LRP5: variants seen among roughly 807,000 people sequenced by gnomAD.
The protein encoded by LRP5 is LDL receptor related protein 5.
Under a neutral mutation model 154.1 loss-of-function variants are expected in LRP5, and 62 were observed. The ratio of observed to expected loss-of-function variants is 0.40; its 90% CI spans 0.33 to 0.50. The LOEUF (loss-of-function observed/expected upper bound fraction) is 0.50, where lower values mean the gene tolerates loss of function less well. Ranked by LOEUF, LRP5 falls within the 20% of genes least tolerant of loss-of-function variation. The probability of loss-of-function intolerance (pLI) is 0.55; values close to 1 mark genes in which losing one functional copy is unlikely to be tolerated. For missense variants in LRP5, 1,915 were observed against 2,336.7 expected (o/e 0.82, Z 3.72); for synonymous variants, 966 against 1,011.5 (o/e 0.96, Z 0.85).
chr11:68,431,621 G>A (rs2098671961), intron 17 of LRP5, among the ~76,000 whole-genome samples: 1 of 152,166 alleles, frequency 6.6e-6, no homozygotes, highest in Non-Finnish European at 1.5e-5. Flanking sequence ...GCCGCGGGGT[G>A]CTGCCTCACA....
chr11:68,436,584 G>A (rs187172979), intron 18 of LRP5, among the ~76,000 whole-genome samples: 9 of 152,226 alleles, frequency 5.9e-5, no homozygotes, highest in East Asian at 5.8e-4. Flanking sequence ...AGCCTTGGGC[G>A]GGGTCTGTTA....
chr11:68,376,171 C>T (rs1285549407), intron 5 of LRP5, among the ~76,000 whole-genome samples: 1 of 92,832 alleles, frequency 1.1e-5, no homozygotes, highest in Non-Finnish European at 2.1e-5. Context: ...GGCCCTGCTT[C>T]TTTTTTTTTT....
At chr11:68,418,039 A>C (rs2098663559) in intron 13 of LRP5, among the ~76,000 whole-genome samples, 1 of 152,244 alleles carries the variant, frequency 6.6e-6, no homozygotes, top group African/African-American at 2.4e-5. Flanking sequence ...CGGCGGCCTC[A>C]GGCCCACCTG....
chr11:68,373,548 C>T (rs909657852), intron 5 of LRP5, among the ~76,000 whole-genome samples: 7 of 152,174 alleles, frequency 4.6e-5, no homozygotes, highest in South Asian at 2.1e-4. Flanking sequence ...GAGCCTCTGC[C>T]GCCCAGCGTG....
At chr11:68,363,263 A>G (rs535155871) in intron 3 of LRP5, among the ~76,000 whole-genome samples, 26 of 152,344 alleles carry the variant, frequency 1.7e-4, no homozygotes, top group African/African-American at 4.1e-4. Flanking sequence ...GTGTGTCACC[A>G]TCACAGGCTG....
intron 9 of LRP5, among the ~76,000 whole-genome samples, chr11:68,409,095 T>TATATATATATATATATACAC (rs1311618305): frequency 1.1e-4 from 3 of 27,744 alleles, no homozygotes; most frequent in African/African-American, 1.9e-4. Flanking sequence ...TATATATATA[T>TATATATATATATATATACAC]ACACACACAT....
At chr11:68,371,045 G>A (rs1189663180) in intron 5 of LRP5, among the ~76,000 whole-genome samples, 1 of 152,088 alleles carries the variant, frequency 6.6e-6, no homozygotes, top group Non-Finnish European at 1.5e-5. Context: ...CCCGCTTCCC[G>A]TTAATTAACA....
At chr11:68,436,553 A>ACCT (rs538010414) in intron 18 of LRP5, among the ~76,000 whole-genome samples, 27 of 148,278 alleles carry the variant, frequency 1.8e-4, no homozygotes, top group African/African-American at 6.7e-4. Flanking sequence ...CTTGGCACCC[A>ACCT]CCCCCCCACC....
chr11:68,309,933 G>T (rs1404052352), upstream of LRP5, among the ~76,000 whole-genome samples: 12 of 152,180 alleles, frequency 7.9e-5, no homozygotes, highest in Non-Finnish European at 1.5e-4. Context: ...ATGTAGATCA[G>T]ATCCTTTCAC....
In LRP5 at chr11:68,414,049, G is replaced by A. The variant is rs373788431; in HGVS notation, c.2827+37G>A. The A allele has an allele frequency of 4.1e-5, 64 of 1,574,020 alleles. No individual in the cohort carries two copies. In the African/African-American group the frequency reaches 4.3e-4, roughly 11 times the overall value. On this transcript the variant is annotated intron_variant, in intron 12 of 22. Transcript: ENST00000294304. Reference sequence around the variant, plus strand: ...ATGGTCCCCCGCACCTCACTCCCTCGTTAGATCAGGCTGGTTCTGGGAGCT... The same window carrying A: ...ATGGTCCCCCGCACCTCACTCCCTCATTAGATCAGGCTGGTTCTGGGAGCT...
In LRP5 at chr11:68,386,014, C is replaced by G. The variant is rs1033784340; in HGVS notation, c.1016-302C>G. Among the ~76,000 whole-genome samples, 4 of 152,158 alleles carry G rather than the reference C, an allele frequency of 2.6e-5. No homozygotes were observed. Among genetic ancestry groups the G allele is most frequent in the Non-Finnish European group, 4.4e-5 (3 of 68,014 alleles). On this transcript the variant is annotated intron_variant, in intron 5 of 22. Transcript: ENST00000294304. This position sits in a 1 kb window ranked among gnomAD's most constrained non-coding sequence, Gnocchi z 7.9. ...GGGGGACTGTGAGGCAGCTCCCACCCAGCAGCTGAAGCCCAATGGCCTGGC... is the reference window on the plus strand; with the variant it reads ...GGGGGACTGTGAGGCAGCTCCCACCGAGCAGCTGAAGCCCAATGGCCTGGC...
the LRP5 span, among the ~76,000 whole-genome samples, chr11:68,301,962 C>A: frequency 6.6e-6 from 1 of 151,698 alleles, no homozygotes; most frequent in African/African-American, 2.4e-5. Flanking sequence ...TATTTTTAAG[C>A]AGGACATGAT....
chr11:68,334,094 C>T (rs966025089), intron 1 of LRP5, among the ~76,000 whole-genome samples: 5 of 152,096 alleles, frequency 3.3e-5, no homozygotes, highest in East Asian at 1.9e-4. Context: ...ATTAGCTGGG[C>T]GTGGTGGTGG....
chr11:68,304,376 A>G, the LRP5 span, among the ~76,000 whole-genome samples: 1 of 152,232 alleles, frequency 6.6e-6, no homozygotes, highest in Non-Finnish European at 1.5e-5. Context: ...GAAGCTTGAC[A>G]CCATCCACCT....
At position 68,447,563 on chromosome 11, in the gene LRP5, T is replaced by C. The variant is rs533805965; in HGVS notation, c.4586+1030T>C. On this transcript the variant is annotated intron_variant, in intron 22 of 22. Coordinates refer to ENST00000294304, the MANE Select transcript of LRP5 (RefSeq NM_002335.4). This position sits in a 1 kb window ranked among gnomAD's most constrained non-coding sequence, Gnocchi z 4.3. ...GACCACTGTCTCCAGAATGGTCACA[T>C]CCACACTGGGCAGCCCAGTCTCGCT... Among the ~76,000 whole-genome samples the C allele has an allele frequency of 1.3e-5, 2 of 152,226 alleles. No homozygotes were observed. The highest frequency in any genetic ancestry group is 1.3e-4 in the Admixed American group (2 of 15,286).
rs1298619014 is a variant in LRP5, at chr11:68,389,985, A to G, written c.1517A>G (p.Asn506Ser). Residue 506 changes from asparagine (N) to serine (S), a missense_variant, in exon 7 of 23, where the codon AAC becomes AGC. Physicochemically the swap from Asn to Ser is conservative, Grantham distance 46. Coordinates refer to ENST00000294304, the MANE Select transcript of LRP5 (RefSeq NM_002335.4). ...VLVNASLGWPNGLALDLQEGK... is the reference protein window; with the variant it reads ...VLVNASLGWPSGLALDLQEGK... Reference sequence around the variant, plus strand: ...GTCAATGCCTCCCTCGGGTGGCCCAACGGCCTGGCCCTGGACCTGCAGGAG... The same window carrying G: ...GTCAATGCCTCCCTCGGGTGGCCCAGCGGCCTGGCCCTGGACCTGCAGGAG... The G allele has an allele frequency of 1.2e-6, 2 of 1,614,180 alleles. No individual in the cohort carries two copies. Among genetic ancestry groups the G allele is most frequent in the Non-Finnish European group, 1.7e-6 (2 of 1,180,024 alleles).
intron 1 of LRP5, among the ~76,000 whole-genome samples, chr11:68,318,587 C>T (rs940787593): frequency 2.6e-5 from 4 of 151,704 alleles, no homozygotes; most frequent in African/African-American, 9.7e-5. Flanking sequence ...GATCCACCCA[C>T]CTCAGCCTCC....
intron 11 of LRP5, chr11:68,412,838 G>C (rs541171700): frequency 6.4e-6 from 1 of 156,666 alleles, no homozygotes; most frequent in Admixed American, 6.5e-5. Flanking sequence ...GCTCAGGAAG[G>C]GCAGCAAGAA....
chr11:68,327,252 C>A (rs1417901252), intron 1 of LRP5, among the ~76,000 whole-genome samples: 2 of 152,172 alleles, frequency 1.3e-5, no homozygotes, highest in Non-Finnish European at 2.9e-5. Context: ...AGCCCCTCTT[C>A]GTTCCATTTC....
Sources: allele counts gnomAD v4.1 joint callset (sites outside exome capture counted in the v4.1 genomes callset), GRCh38; gene constraint gnomAD v4.1.1; non-coding constraint Gnocchi (gnomAD v3.1); transcripts MANE v1.5; gene names NCBI Gene and HGNC (gene_info 2026-07-23, HGNC 2026-07-21).